DOCK5: variants seen among roughly 807,000 people sequenced by gnomAD.
The protein encoded by DOCK5 is dedicator of cytokinesis 5, also known as dedicator of cytokinesis protein 5.
Under a neutral mutation model 251.8 loss-of-function variants are expected in DOCK5, and 142 were observed. The ratio of observed to expected loss-of-function variants is 0.56; its 90% confidence interval spans 0.49 to 0.65. The LOEUF (loss-of-function observed/expected upper bound fraction) is 0.65, where lower values mean the gene tolerates loss of function less well. DOCK5 is among the 30% of genes least tolerant of loss of function. The pLI is 0.00. For missense variants in DOCK5, 2,111 were observed against 2,312.3 expected (o/e 0.91, Z 1.79); for synonymous variants, 842 against 835.5 (o/e 1.01, Z -0.13).
At chr8:25,302,564 G>A (rs1804793917) in intron 10 of DOCK5, 110 bp downstream of exon 10, 2 of 1,365,454 alleles carry the variant, frequency 1.5e-6, no homozygotes, top group Non-Finnish European at 1.9e-6. Context: ...CAGCTGCCCT[G>A]CTTCAAAACA....
chr8:25,332,069 A>G (rs988023898), intron 18 of DOCK5, among the ~76,000 whole-genome samples, 182 bp from the exon 19 acceptor site: 3 of 152,208 alleles, frequency 2.0e-5, no homozygotes, highest in African/African-American at 7.2e-5. Context: ...TTGAAGAATG[A>G]AAGAGGACCA....
chr8:25,190,777 T>A (rs1195875222), intron 1 of DOCK5, among the ~76,000 whole-genome samples: 2 of 85,348 alleles, frequency 2.3e-5, no homozygotes, highest in East Asian at 6.1e-4. Flanking sequence ...TGGTCATGGG[T>A]TTTTTTTTTT....
Position 25,219,088 on chromosome 8 carries a change from G to A in DOCK5, c.44-24586G>A, listed in dbSNP as rs79621495. Among the ~76,000 whole-genome samples the A allele has an allele frequency of 6.2e-4, 95 of 152,110 alleles. No individual in the cohort carries two copies. In the East Asian group the frequency reaches 0.014, roughly 23 times the overall value. ...TTTTAGGCATTATTTACTGACTTCCGCTATCTGTTGGTAGACGAGTATCTG... is the reference window on the plus strand; with the variant it reads ...TTTTAGGCATTATTTACTGACTTCCACTATCTGTTGGTAGACGAGTATCTG... On this transcript the variant is annotated intron_variant, in intron 1 of 51. Coordinates refer to ENST00000276440, the MANE Select transcript of DOCK5 (RefSeq NM_024940.8).
chr8:25,321,284 T>C (rs1805418142), intron 16 of DOCK5, among the ~76,000 whole-genome samples: 1 of 152,230 alleles, frequency 6.6e-6, no homozygotes, highest in African/African-American at 2.4e-5. Context: ...TGAACACTAA[T>C]ATTCTCAAAG....
chr8:25,310,726 A>G (rs765935313), intron 13 of DOCK5, among the ~76,000 whole-genome samples, 194 bp downstream of exon 13: 1 of 152,230 alleles, frequency 6.6e-6, no homozygotes, highest in Admixed American at 6.5e-5. Context: ...TATTACAAAT[A>G]TAAAAACCTC....
At chr8:25,375,108 G>A (rs996563065) in intron 37 of DOCK5, 2 of 639,948 alleles carry the variant, frequency 3.1e-6, no homozygotes, top group Non-Finnish European at 4.1e-6. Context: ...CTAGCCCTGA[G>A]CACCTTCTCT....
chr8:25,393,912 A>G (rs566948756), intron 44 of DOCK5, among the ~76,000 whole-genome samples: 1 of 152,324 alleles, frequency 6.6e-6, no homozygotes, highest in East Asian at 1.9e-4. Context: ...TCTTGACCAA[A>G]GCTGAACTGA....
At chr8:25,227,960 C>T (rs1353786591) in intron 1 of DOCK5, among the ~76,000 whole-genome samples, 2 of 152,144 alleles carry the variant, frequency 1.3e-5, no homozygotes, top group Non-Finnish European at 2.9e-5. Flanking sequence ...TCATGGCCTA[C>T]TGCAGCCTCC....
At chr8:25,219,462 C>G (rs6983545) in intron 1 of DOCK5, among the ~76,000 whole-genome samples, 9,058 of 152,216 alleles carry the variant, frequency 0.06, 674 homozygotes, top group African/African-American at 0.18. Context: ...TTGGGACCTT[C>G]CTTTTCCTCT....
At chr8:25,380,231 C>T (rs555327150) in intron 38 of DOCK5, 74 bp from the exon 39 acceptor site, 94 of 1,351,870 alleles carry the variant, frequency 7.0e-5, no homozygotes, top group African/African-American at 5.2e-4. Flanking sequence ...CCCAGTGACT[C>T]GCCAGTGGCT....
chr8:25,296,546 C>T lies in DOCK5; in HGVS notation c.504C>T (p.Asp168=). The change falls in exon 7 of 52, where the codon GAC becomes GAT. Residue 168 remains aspartate (D), a synonymous_variant. Coordinates refer to ENST00000276440, the MANE Select transcript of DOCK5 (RefSeq NM_024940.8). ...GGTTAGATCTGGTGGTGCGAGATGA[C>T]AATGGGAACATCCTAGACCCTGACG... ...MLGLDLVVRD[D]NGNILDPDET... 5.0e-6 allele frequency: 8 copies of T among 1,611,524 alleles called. 1 individual carries two copies. The highest frequency in any genetic ancestry group is 2.2e-5 in the South Asian group (2 of 90,382).
rs201030297 is a variant in DOCK5 at position 25,369,656 on chromosome 8, A to G, written c.3524+15A>G. On this transcript the variant is annotated intron_variant, in intron 34 of 51. Transcript: ENST00000276440. ...CTGGAAAAACTGTGAGTATTTCAGG[A>G]ACGAAACCTGAAGTCAGTGGTGTCA... The G allele has an allele frequency of 1.4e-5, 23 of 1,593,056 alleles. No homozygotes were observed. The East Asian group carries it at 5.2e-4, about 36-fold the overall frequency.
intron 1 of DOCK5, among the ~76,000 whole-genome samples, chr8:25,240,084 A>G (rs1321176339): frequency 1.3e-5 from 2 of 152,114 alleles, no homozygotes; most frequent in Non-Finnish European, 2.9e-5. Flanking sequence ...TCCCTGTGGG[A>G]TATACTGATG....
At chr8:25,315,850 C>A (rs1805234562) in intron 13 of DOCK5, among the ~76,000 whole-genome samples, 1 of 152,114 alleles carries the variant, frequency 6.6e-6, no homozygotes, top group Non-Finnish European at 1.5e-5. Context: ...TTATTTTTTT[C>A]CAGTTGAGGA....
At chr8:25,276,535 C>T (rs1357444485) in intron 4 of DOCK5, among the ~76,000 whole-genome samples, 1 of 152,036 alleles carries the variant, frequency 6.6e-6, no homozygotes, top group Non-Finnish European at 1.5e-5. Flanking sequence ...GACTGGAATC[C>T]TGGGGCTGAT....
chr8:25,339,689 C>T (rs765351950), intron 22 of DOCK5, among the ~76,000 whole-genome samples: 6 of 152,294 alleles, frequency 3.9e-5, no homozygotes, highest in East Asian at 3.9e-4. Context: ...TGAGGAGTAA[C>T]GAGAACCCAG....
Position 25,269,024 on chromosome 8 carries a change from G to A in DOCK5, c.168+139G>A, listed in dbSNP as rs180698151. On this transcript the variant is annotated intron_variant, in intron 3 of 51. Transcript: ENST00000276440. ...TCTTTGATGGCTCTTCTTTGGATTT[G>A]AAAGCAAATTCTCTGACCTCAGTGC... 2,404 of 703,564 alleles carry A rather than the reference G, an allele frequency of 3.4e-3. 14 individuals are homozygous for A. Among genetic ancestry groups the A allele is most frequent in the Non-Finnish European group, 3.0e-3 (1,294 of 431,462 alleles). 43.6% of individuals were successfully genotyped at this position (703,564 alleles called of 1,614,324 possible). A position where few individuals can be genotyped will look rare whatever the true frequency, so the allele number is the denominator to read the frequency against.
At chr8:25,391,297 A>T (rs1314341022) in intron 42 of DOCK5, among the ~76,000 whole-genome samples, 2 of 150,808 alleles carry the variant, frequency 1.3e-5, no homozygotes, top group Non-Finnish European at 2.9e-5. Context: ...CTTGAGTTCA[A>T]GCGATCCTCC....
At chr8:25,187,204 A>G (rs548681530) in intron 1 of DOCK5, among the ~76,000 whole-genome samples, 1 of 149,396 alleles carries the variant, frequency 6.7e-6, no homozygotes, top group African/African-American at 2.5e-5. Context: ...CGATCTCAAA[A>G]AAAAAACTAT....
Sources: gnomAD v4.1 joint callset for allele counts (sites outside exome capture counted in the v4.1 genomes callset) on GRCh38, gnomAD v4.1.1 for gene constraint, MANE v1.5 for transcripts, NCBI Gene and HGNC (gene_info 2026-07-23, HGNC 2026-07-21) for gene names.